The following CCDC18 variants were observed in gnomAD, a reference collection of about 807,000 sequenced individuals.
CCDC18 encodes coiled-coil domain-containing protein 18.
CCDC18 carries 157 observed loss-of-function variants against 196.0 expected under a neutral mutation model. The observed-to-expected ratio is 0.80, with a 90% confidence interval of 0.70 to 0.91. The LOEUF (loss-of-function observed/expected upper bound fraction) is 0.91, where lower values mean the gene tolerates loss of function less well. Among genes scored for constraint, CCDC18 ranks in the 40% least tolerant of loss-of-function variants. The pLI is 0.00. For synonymous variants in CCDC18, 482 were observed against 529.2 expected, an observed-to-expected ratio of 0.91 and a Z score of 1.22; for missense variants, 1,465 against 1,611.6, an observed-to-expected ratio of 0.91 and a Z score of 1.56.
At chr1:93,182,198 T>C (rs1649833814) in intron 1 of CCDC18, among the ~76,000 whole-genome samples, 1 of 152,178 alleles carries the variant, frequency 6.6e-6, no homozygotes. Flanking sequence ...TTACATAGTA[T>C]CTCATTTAAT....
At position 93,221,721 on chromosome 1, in the gene CCDC18, G is replaced by A; in HGVS notation, c.2075G>A (p.Arg692Lys). ...CKQHHLESLDRLLTESKGEMK... is the reference protein window; with the variant it reads ...CKQHHLESLDKLLTESKGEMK... ...CAACATCATCTTGAATCACTAGATA[G>A]ACTCTTGACGGAAAGCAAAGGGGTA... Residue 692 changes from arginine (R) to lysine (K), a missense_variant, in exon 15 of 29, where the codon AGA becomes AAA. Coordinates refer to ENST00000690025, the MANE Select transcript of CCDC18 (RefSeq NM_001378204.1). 12 of 1,598,854 alleles carry A rather than the reference G, an allele frequency of 7.5e-6. No homozygotes were observed. The highest frequency in any genetic ancestry group is 1.0e-5 in the Non-Finnish European group (12 of 1,175,914).
At chr1:93,226,840 A>G (rs1658429261) in intron 17 of CCDC18, among the ~76,000 whole-genome samples, 2 of 152,040 alleles carry the variant, frequency 1.3e-5, no homozygotes, top group Admixed American at 1.3e-4. Context: ...GGCCAAAATA[A>G]TATCTTTTAT....
chr1:93,218,187 G>A (rs935041494), intron 14 of CCDC18, among the ~76,000 whole-genome samples: 1 of 151,998 alleles, frequency 6.6e-6, no homozygotes, highest in South Asian at 2.1e-4. Flanking sequence ...TCTTGACCTT[G>A]GGTTAAAAGT....
chr1:93,180,047 C>G (rs1459049629), upstream of CCDC18: 2 of 1,611,532 alleles, frequency 1.2e-6, no homozygotes, highest in Non-Finnish European at 8.5e-7. Flanking sequence ...TTATCCTCCG[C>G]ACTTACTTGG....
intron 21 of CCDC18, among the ~76,000 whole-genome samples, chr1:93,241,898 A>C (rs566549489): frequency 6.6e-6 from 1 of 152,264 alleles, no homozygotes; most frequent in South Asian, 2.1e-4. Context: ...AAAATGGAAA[A>C]GAACAAGTGT....
intron 8 of CCDC18, 92 bp from the exon 9 acceptor site, chr1:93,207,015 C>A: frequency 2.8e-6 from 2 of 707,322 alleles, no homozygotes; most frequent in Non-Finnish European, 4.4e-6. Context: ...TAGAATTAAG[C>A]TTCAAAAAAT....
chr1:93,277,025 T>A (rs986754477), intron 28 of CCDC18, among the ~76,000 whole-genome samples: 1 of 121,336 alleles, frequency 8.2e-6, no homozygotes, highest in African/African-American at 3.6e-5. Context: ...GGGGAGAGGG[T>A]CAGCAGACAA....
At chr1:93,271,927 T>A (rs1407328147) in intron 28 of CCDC18, among the ~76,000 whole-genome samples, 1 of 151,554 alleles carries the variant, frequency 6.6e-6, no homozygotes, top group Non-Finnish European at 1.5e-5. Flanking sequence ...TCTTCTTATT[T>A]TGAACTAATT....
chr1:93,229,641 G>A (rs757127891), intron 17 of CCDC18, among the ~76,000 whole-genome samples: 27 of 152,130 alleles, frequency 1.8e-4, no homozygotes, highest in African/African-American at 5.3e-4. Context: ...TTGATTACCC[G>A]TTGCAAAAAG....
chr1:93,228,712 G>C (rs1291309852), intron 17 of CCDC18, among the ~76,000 whole-genome samples: 2 of 149,916 alleles, frequency 1.3e-5, no homozygotes, highest in African/African-American at 2.5e-5. Flanking sequence ...CTTTAAAGTA[G>C]TATACAAAAT....
chr1:93,261,873 TAAAG>T, intron 26 of CCDC18, among the ~76,000 whole-genome samples: 1 of 152,176 alleles, frequency 6.6e-6, no homozygotes, highest in East Asian at 1.9e-4. Flanking sequence ...CACACTGCTA[TAAAG>T]AAATACCTGA....
intron 6 of CCDC18, among the ~76,000 whole-genome samples, chr1:93,197,233 A>G (rs1248058039): frequency 6.6e-6 from 1 of 152,196 alleles, no homozygotes; most frequent in Non-Finnish European, 1.5e-5. Context: ...AAGGATTACC[A>G]AAACCTAAAT....
intron 6 of CCDC18, 124 bp from the exon 7 acceptor site, chr1:93,201,768 T>C: frequency 1.8e-6 from 1 of 561,690 alleles, no homozygotes; most frequent in Non-Finnish European, 3.0e-6. Flanking sequence ...CTAATACTCC[T>C]TTTTAGTGCA....
upstream of CCDC18, chr1:93,180,410 C>T (rs1649320852): frequency 2.4e-6 from 3 of 1,245,100 alleles, no homozygotes; most frequent in Non-Finnish European, 2.2e-6. Context: ...AAGCGCAGTT[C>T]TCCAAAGGGT....
chr1:93,207,411 G>A lies in CCDC18; in HGVS notation c.1209+13G>A, dbSNP rs759470210. 8.5e-6 allele frequency: 13 copies of A among 1,529,012 alleles called. No homozygotes were observed. The highest frequency in any genetic ancestry group is 1.4e-5 in the African/African-American group (1 of 71,418). 94.7% of individuals were successfully genotyped at this position (1,529,012 alleles called of 1,614,324 possible). A position where few individuals can be genotyped will look rare whatever the true frequency, so the allele number is the denominator to read the frequency against. On this transcript the variant is annotated intron_variant, in intron 9 of 28. Transcript: ENST00000690025. ...ATCCCAGTTGCCAGTAAGTATGTGTGATTACGTAATGGAAAAGAAGAATTT... is the reference window on the plus strand; with the variant it reads ...ATCCCAGTTGCCAGTAAGTATGTGTAATTACGTAATGGAAAAGAAGAATTT...
chr1:93,276,108 C>A, intron 28 of CCDC18, among the ~76,000 whole-genome samples: 1 of 152,180 alleles, frequency 6.6e-6, no homozygotes, highest in African/African-American at 2.4e-5. Flanking sequence ...TGGCCTAAAT[C>A]CAGCTCTGCT....
chr1:93,217,270 T>C (rs1177197026), intron 13 of CCDC18, among the ~76,000 whole-genome samples: 1 of 152,050 alleles, frequency 6.6e-6, no homozygotes, highest in East Asian at 1.9e-4. Context: ...TTGAAGATAA[T>C]GGTAGTTCTT....
chr1:93,241,745 AATAG>A (rs1660825964), intron 21 of CCDC18, among the ~76,000 whole-genome samples: 1 of 151,552 alleles, frequency 6.6e-6, no homozygotes, highest in Admixed American at 6.6e-5. Context: ...AAAAAAAAAA[AATAG>A]ATCATATTGC....
At position 93,180,853 on chromosome 1, in the gene CCDC18, G is replaced by A. The variant is rs376184350; in HGVS notation, c.-3+1G>A. ...CGAGTGCGAAGCGCGCAGTCGCCGG[G>A]TGGGTCTCTCCCCAGCGACGATTTG... On this transcript the variant is annotated splice_donor_variant, in intron 1 of 28. Transcript: ENST00000690025. LOFTEE classifies it low-confidence loss of function (5UTR_SPLICE). 7.3e-7 allele frequency: 1 copy of A among 1,366,258 alleles called. No individual in the cohort carries two copies. Among genetic ancestry groups the A allele is most frequent in the South Asian group, 1.1e-5 (1 of 88,044 alleles). 84.6% of individuals were successfully genotyped at this position (1,366,258 alleles called of 1,614,324 possible). A position where few individuals can be genotyped will look rare whatever the true frequency, so the allele number is the denominator to read the frequency against.
Sources: allele counts gnomAD v4.1 joint callset (sites outside exome capture counted in the v4.1 genomes callset), GRCh38; gene constraint gnomAD v4.1.1; transcripts MANE v1.5; gene names NCBI Gene and HGNC (gene_info 2026-07-23, HGNC 2026-07-21).